IPO13: variants seen among roughly 807,000 people sequenced by gnomAD.
IPO13 encodes the protein importin-13.
Under a neutral mutation model 115.5 loss-of-function variants are expected in IPO13, and 28 were observed. The ratio of observed to expected loss-of-function variants is 0.24; its 90% CI spans 0.18 to 0.33. IPO13 has a LOEUF of 0.33. Among genes scored for constraint, IPO13 ranks in the 10% least tolerant of loss-of-function variants. The pLI is 1.00. For missense variants in IPO13, 785 were observed against 1,204.6 expected (o/e 0.65, Z 5.16); for synonymous variants, 414 against 478.9 (o/e 0.86, Z 1.77).
In IPO13 at chr1:43,956,232, G is replaced by A; in HGVS notation, c.822-88G>A. 1.4e-6 allele frequency: 2 copies of A among 1,454,884 alleles called. No individual in the cohort carries two copies. Among genetic ancestry groups the A allele is most frequent in the South Asian group, 2.5e-5 (2 of 80,078 alleles). The allele number at this position is 1,454,884 out of a possible 1,614,324, so 90.1% of individuals were successfully genotyped here. On this transcript the variant is annotated intron_variant, in intron 2 of 19. Coordinates refer to ENST00000372343, the MANE Select transcript of IPO13 (RefSeq NM_014652.4). This position sits in a 1 kb window ranked among gnomAD's most constrained non-coding sequence, Gnocchi z 4.7. ...TTGATAAGGGAAGGGGAGCTTTGAT[G>A]GAAGACAAGGAGATTATGCCTTTCT...
At chr1:43,961,569 C>T (rs777161965) in intron 14 of IPO13, among the ~76,000 whole-genome samples, 10 of 152,214 alleles carry the variant, frequency 6.6e-5, no homozygotes, top group Non-Finnish European at 1.3e-4. Context: ...TAGGCTGGCT[C>T]CTTTACTTTG....
Position 43,957,438 on chromosome 1 carries a change from G to T in IPO13, c.1429G>T (p.Ala477Ser). 1 of 1,614,138 alleles carries T rather than the reference G, an allele frequency of 6.2e-7. No individual in the cohort carries two copies. Among genetic ancestry groups the T allele is most frequent in the Non-Finnish European group, 8.5e-7 (1 of 1,180,028 alleles). ...EALLYGFQSI[A>S]ETIDVNYSDV... The stretch of plus-strand genomic sequence containing the variant: ...CCTCCTCTACGGCTTCCAATCCATC[G>T]CAGAGACCATTGACGTCAACTATTC... Residue 477 changes from alanine to serine, a missense_variant, in exon 7 of 20, where the codon GCA (alanine) becomes TCA (serine). By Grantham distance (99) the Ala-to-Ser change is moderately conservative. Transcript: ENST00000372343.
intron 1 of IPO13, among the ~76,000 whole-genome samples, chr1:43,949,160 G>T (rs887733098): frequency 6.6e-6 from 1 of 152,150 alleles, no homozygotes; most frequent in Admixed American, 6.5e-5. Flanking sequence ...TTGCTTTCCT[G>T]TGGAGATTCC....
In IPO13 at chr1:43,964,436, AG is replaced by A. The variant is rs145121469; in HGVS notation, c.2397+116del. 3.0e-3 allele frequency: 2,297 copies of A among 762,790 alleles called. 41 individuals are homozygous for A. The African/African-American group carries it at 0.036, about 12-fold the overall frequency. 47.3% of individuals were successfully genotyped at this position (762,790 alleles called of 1,614,324 possible). ...CTGTTGACAAATTTTTTTTCTGTTC[AG>A]TTGAATAGAGTTTCTTCATCTGTTT... On this transcript the variant is annotated intron_variant, in intron 15 of 19. Coordinates refer to ENST00000372343, the MANE Select transcript of IPO13 (RefSeq NM_014652.4).
chr1:43,951,621 T>G (rs2085209334), intron 2 of IPO13, among the ~76,000 whole-genome samples: 1 of 152,206 alleles, frequency 6.6e-6, no homozygotes, highest in Admixed American at 6.5e-5. Flanking sequence ...CTGAAGACGA[T>G]ATAAAGATAT....
At chr1:43,960,661 TTAAGTTCCACAG>T (rs1292337255) in intron 12 of IPO13, among the ~76,000 whole-genome samples, 2 of 152,100 alleles carry the variant, frequency 1.3e-5, no homozygotes, top group Non-Finnish European at 1.5e-5. Context: ...GTCGCAGGAG[TTAAGTTCCACAG>T]TTACATCCTG....
At chr1:43,962,591 G>A (rs1254315140) in intron 14 of IPO13, among the ~76,000 whole-genome samples, 1 of 152,034 alleles carries the variant, frequency 6.6e-6, no homozygotes, top group Non-Finnish European at 1.5e-5. Context: ...CAGCCACACT[G>A]CCTCTTCCTT....
intron 12 of IPO13, 95 bp from the exon 13 acceptor site, chr1:43,960,776 TAGGTA>T (rs1161074943): frequency 6.9e-7 from 1 of 1,459,116 alleles, no homozygotes; most frequent in African/African-American, 1.4e-5. Context: ...GCAAGGCTTA[TAGGTA>T]AGGGCCCAAT....
rs1320800463 is a variant in IPO13 at position 43,949,883 on chromosome 1, A to C, written c.551A>C (p.Gln184Pro). The change falls in exon 2 of 20, where the codon CAG becomes CCG. Residue 184 changes from glutamine (Q) to proline (P), a missense_variant. Transcript: ENST00000372343. ...GAGTTCCAGACCAGTCGCCTACCCC[A>C]GTACCGCAAAGGCCTGGTGCGGACC... The part of the protein sequence containing the change: ...PEEFQTSRLP[Q>P]YRKGLVRTSL... 6.2e-7 allele frequency: 1 copy of C among 1,612,016 alleles called. No homozygotes were observed. Among genetic ancestry groups the C allele is most frequent in the Non-Finnish European group, 8.5e-7 (1 of 1,179,870 alleles).
chr1:43,955,925 T>A (rs1476448112), intron 2 of IPO13, among the ~76,000 whole-genome samples: 3 of 149,560 alleles, frequency 2.0e-5, no homozygotes, highest in Non-Finnish European at 4.4e-5. Context: ...TCCCAGCTAC[T>A]CTGGAGGCTG....
At position 43,952,314 on chromosome 1, in the gene IPO13, C is replaced by G. The variant is rs911492720; in HGVS notation, c.821+2161C>G. On this transcript the variant is annotated intron_variant, in intron 2 of 19. Coordinates refer to ENST00000372343, the MANE Select transcript of IPO13 (RefSeq NM_014652.4). The surrounding 1 kb of genome is among the most constrained non-coding windows in gnomAD (Gnocchi z 4.7). ...CCTCCAGAATAGCTGGGATTACAGG[C>G]GTGCATCACCACGCCCAGCTAATTT... is the stretch of plus-strand genomic sequence containing the variant. Among the ~76,000 whole-genome samples the G allele has an allele frequency of 6.6e-6, 1 of 152,090 alleles. No individual in the cohort carries two copies. The highest frequency in any genetic ancestry group is 1.9e-4 in the East Asian group (1 of 5,192).
In IPO13 at chr1:43,960,798, C is replaced by T. The variant is rs1055529296; in HGVS notation, c.2110-78C>T. On this transcript the variant is annotated intron_variant, in intron 12 of 19. Transcript: ENST00000372343. Reference sequence around the variant, plus strand: ...TTATAGGTAAGGGCCCAATCGTAGGCCCCCTCTGTGCAGGGCTTCAGCGCT... The same window carrying T: ...TTATAGGTAAGGGCCCAATCGTAGGTCCCCTCTGTGCAGGGCTTCAGCGCT... 3.2e-6 allele frequency: 5 copies of T among 1,554,170 alleles called. No individual in the cohort carries two copies. In the African/African-American group the frequency reaches 6.8e-5, roughly 21 times the overall value.
chr1:43,966,306 A>G lies in IPO13; in HGVS notation c.2398-269A>G, dbSNP rs1301709009. On this transcript the variant is annotated intron_variant, in intron 15 of 19. Coordinates refer to ENST00000372343, the MANE Select transcript of IPO13 (RefSeq NM_014652.4). The surrounding 1 kb of genome is among the most constrained non-coding windows in gnomAD (Gnocchi z 4.1). ...GGGAGGGAAAGGTGTCTGGAACCCA[A>G]ACTTTCTGCATTATGATCCCCACCC... The G allele has an allele frequency of 8.9e-6, 5 of 559,752 alleles. No individual in the cohort carries two copies. The highest frequency in any genetic ancestry group is 3.1e-5 in the Admixed American group (1 of 32,696). 34.7% of individuals were successfully genotyped at this position (559,752 alleles called of 1,614,324 possible).
At chr1:43,964,359 CTCTT>C (rs757236962) in intron 15 of IPO13, 38 bp downstream of exon 15, 33 of 1,406,554 alleles carry the variant, frequency 2.3e-5, no homozygotes, top group South Asian at 2.3e-4. Flanking sequence ...TCTGTTCTCT[CTCTT>C]TCTCTTTCTC....
In IPO13 at chr1:43,956,605, C is replaced by T. The variant is rs61757089; in HGVS notation, c.1008C>T (p.Leu336=). ...AGCACTGGCAGAGTTTCCTGGCACTCGTCAACATGATTATGTTCTGCACAG... is the reference window on the plus strand; with the variant it reads ...AGCACTGGCAGAGTTTCCTGGCACTTGTCAACATGATTATGTTCTGCACAG... ...QVEHWQSFLA[L]VNMIMFCTGI... The change falls in exon 4 of 20, where the codon CTC becomes CTT. Residue 336 remains leucine (L), a synonymous_variant. Transcript: ENST00000372343. This position sits in a 1 kb window ranked among gnomAD's most constrained non-coding sequence, Gnocchi z 4.7. 22 of 1,614,084 alleles carry T rather than the reference C, an allele frequency of 1.4e-5. No homozygotes were observed. The African/African-American group carries it at 1.6e-4, about 12-fold the overall frequency.
At chr1:43,951,009 G>C (rs1270415841) in intron 2 of IPO13, among the ~76,000 whole-genome samples, 1 of 152,206 alleles carries the variant, frequency 6.6e-6, no homozygotes, top group African/African-American at 2.4e-5. Flanking sequence ...TTTGTGAATG[G>C]AGGAAAGTAG....
Position 43,967,516 on chromosome 1 carries a change from G to T in IPO13, c.2795+20G>T, listed in dbSNP as rs762254104. On this transcript the variant is annotated intron_variant, in intron 19 of 19. Coordinates refer to ENST00000372343, the MANE Select transcript of IPO13 (RefSeq NM_014652.4). The surrounding 1 kb of genome is among the most constrained non-coding windows in gnomAD (Gnocchi z 6.1). ...CCTTCGGTGAGCAGAGCTGGGGTGG[G>T]CCTGGGGTCAGGCAGAGAGGGGGCA... is the stretch of plus-strand genomic sequence containing the variant. 1.2e-6 allele frequency: 2 copies of T among 1,614,176 alleles called. No homozygotes were observed. The highest frequency in any genetic ancestry group is 4.5e-5 in the East Asian group (2 of 44,888).
chr1:43,967,380 C>G lies in IPO13; in HGVS notation c.2679C>G (p.Asn893Lys), dbSNP rs764418987. 1 of 1,614,060 alleles carries G rather than the reference C, an allele frequency of 6.2e-7. No homozygotes were observed. The highest frequency in any genetic ancestry group is 8.5e-7 in the Non-Finnish European group (1 of 1,180,042). The change falls in exon 19 of 20, where the codon AAC becomes AAG. Residue 893 changes from asparagine to lysine, a missense_variant. This residue lies in a region of IPO13 where 285 missense variants were observed against 394.8 expected (regional missense o/e 0.72). Coordinates refer to ENST00000372343, the MANE Select transcript of IPO13 (RefSeq NM_014652.4). The surrounding 1 kb of genome is among the most constrained non-coding windows in gnomAD (Gnocchi z 6.1). ...TTGCCGATATCCTGTTCGCCCTGAA[C>G]AAGCACTGCTTCAGCCTCCTGAGCA... ...DCFADILFAL[N>K]KHCFSLLSMW...
intron 15 of IPO13, among the ~76,000 whole-genome samples, chr1:43,965,464 T>A (rs60151386): frequency 0.019 from 2,952 of 151,990 alleles, 110 homozygotes; most frequent in African/African-American, 0.068. Context: ...TAGGGAGTGT[T>A]CTGGGCCTGG....
Sources: gnomAD v4.1 joint callset for allele counts (sites outside exome capture counted in the v4.1 genomes callset) on GRCh38, gnomAD v4.1.1 for gene constraint, gnomAD v4.1.1 regional missense constraint, Gnocchi (gnomAD v3.1) non-coding constraint, MANE v1.5 for transcripts, NCBI Gene and HGNC (gene_info 2026-07-23, HGNC 2026-07-21) for gene names.